SCAI: variants seen among roughly 807,000 people sequenced by gnomAD.
SCAI encodes the protein protein SCAI.
In SCAI, 24 loss-of-function variants were observed where a neutral mutation model predicts 92.2. The ratio of observed to expected loss-of-function variants is 0.26; its 90% CI spans 0.19 to 0.37. SCAI has a LOEUF of 0.37. Among genes scored for constraint, SCAI ranks in the 10% least tolerant of loss-of-function variants. The pLI, the probability that SCAI is intolerant of heterozygous loss-of-function variation, is 1.00. For synonymous variants in SCAI, 261 were observed against 258.6 expected (o/e 1.01, Z -0.09); for missense variants, 450 against 736.2 (o/e 0.61, Z 4.50).
chr9:125,104,743 A>G (rs1206394396), intron 2 of SCAI, among the ~76,000 whole-genome samples: 1 of 151,928 alleles, frequency 6.6e-6, no homozygotes, highest in African/African-American at 2.4e-5. Context: ...CTTTCTCAAA[A>G]CCCTTTGTTT....
intron 2 of SCAI, among the ~76,000 whole-genome samples, chr9:125,127,408 T>C (rs1835300576): frequency 6.6e-6 from 1 of 150,648 alleles, no homozygotes; most frequent in African/African-American, 2.4e-5. Flanking sequence ...GGGCAGAATT[T>C]TTTTTTTTTT....
chr9:124,971,524 T>A, intron 16 of SCAI, 54 bp from the exon 17 acceptor site: 1 of 1,479,060 alleles, frequency 6.8e-7, no homozygotes, highest in South Asian at 1.2e-5. Context: ...AAATTATGTT[T>A]CAAAGGGGAA....
At chr9:125,019,080 T>G in intron 8 of SCAI, 27 bp downstream of exon 8, 2 of 1,551,260 alleles carry the variant, frequency 1.3e-6, no homozygotes, top group Non-Finnish European at 8.8e-7. Flanking sequence ...TTATCAATAA[T>G]TATGATTTTT....
chr9:124,975,339 C>A, intron 15 of SCAI: 2 of 456,682 alleles, frequency 4.4e-6, no homozygotes, highest in South Asian at 1.5e-5. Flanking sequence ...GACAGGACTT[C>A]TGGCTGGGAA....
chr9:125,048,681 T>G (rs1166549504), intron 3 of SCAI, among the ~76,000 whole-genome samples: 1 of 151,900 alleles, frequency 6.6e-6, no homozygotes, highest in African/African-American at 2.4e-5. Context: ...AAGGAAGCAT[T>G]ATAGAAACTT....
chr9:124,991,850 AAAAAC>A (rs1032952632), intron 14 of SCAI, among the ~76,000 whole-genome samples: 14 of 152,214 alleles, frequency 9.2e-5, no homozygotes, highest in African/African-American at 2.9e-4. Context: ...AACAAAAAAC[AAAAAC>A]AAAACAAACC....
chr9:125,092,771 C>T (rs901858054), intron 2 of SCAI, among the ~76,000 whole-genome samples: 1 of 152,218 alleles, frequency 6.6e-6, no homozygotes, highest in South Asian at 2.1e-4. Context: ...ACTCTTCTTT[C>T]TAGCTCACAT....
chr9:125,040,389 C>A (rs1466536371), intron 3 of SCAI, among the ~76,000 whole-genome samples: 2 of 152,024 alleles, frequency 1.3e-5, no homozygotes, highest in Non-Finnish European at 2.9e-5. Context: ...AGAATGATTT[C>A]TTTCTCTGTG....
intron 2 of SCAI, among the ~76,000 whole-genome samples, chr9:125,101,426 C>T (rs1248638095): frequency 6.6e-6 from 1 of 152,050 alleles, no homozygotes; most frequent in Non-Finnish European, 1.5e-5. Flanking sequence ...CTGAGACTTA[C>T]CAATGGATGG....
intron 14 of SCAI, among the ~76,000 whole-genome samples, chr9:124,978,394 T>C (rs1258657679): frequency 6.6e-6 from 1 of 152,176 alleles, no homozygotes; most frequent in Non-Finnish European, 1.5e-5. Flanking sequence ...GGAGCCAAGA[T>C]CGCACCACTG....
chr9:125,143,458 G>A lies in SCAI; in HGVS notation c.-21C>T, dbSNP rs1588263250. The A allele has an allele frequency of 7.4e-7, 1 of 1,342,846 alleles. No homozygotes were observed. The highest frequency in any genetic ancestry group is 9.6e-7 in the Non-Finnish European group (1 of 1,046,290). 83.2% of individuals were successfully genotyped at this position (1,342,846 alleles called of 1,614,324 possible). ...ACCATCCGGCTCCTGCTCCGCCGCG[G>A]GAGCTGCTCCGGCGGCCGCAGGGCT... On this transcript the variant is annotated 5_prime_UTR_variant, in exon 1 of 18. Transcript: ENST00000336505.
At chr9:124,989,994 G>C (rs910074243) in intron 14 of SCAI, among the ~76,000 whole-genome samples, 1 of 151,216 alleles carries the variant, frequency 6.6e-6, no homozygotes, top group Admixed American at 6.6e-5. Context: ...GACCAACATG[G>C]AGAAACCCTG....
chr9:125,006,640 C>G (rs1423834705), intron 9 of SCAI, among the ~76,000 whole-genome samples: 3 of 152,012 alleles, frequency 2.0e-5, no homozygotes, highest in Non-Finnish European at 4.4e-5. Context: ...TACAGGCGCA[C>G]GCCACCACGC....
In SCAI at chr9:124,999,966, A is replaced by G; in HGVS notation, c.1169T>C (p.Leu390Pro). The G allele has an allele frequency of 1.3e-6, 2 of 1,582,506 alleles. No individual in the cohort carries two copies. The highest frequency in any genetic ancestry group is 1.7e-6 in the Non-Finnish European group (2 of 1,161,154). Residue 390 changes from leucine (L) to proline (P), a missense_variant, in exon 13 of 18, where the codon CTT becomes CCT. Physicochemically the swap from Leu to Pro is moderately conservative, Grantham distance 98. Coordinates refer to ENST00000336505, the MANE Select transcript of SCAI (RefSeq NM_001144877.3). Reference sequence around the variant, plus strand: ...AATAATATCCCGGTTACTATTAGTAAGTACACCTCCAAAATCATAAGGACC... The same window carrying G: ...AATAATATCCCGGTTACTATTAGTAGGTACACCTCCAAAATCATAAGGACC... Reference protein sequence around the residue: ...SEGPYDFGGVLTNSNRDIING... With the variant: ...SEGPYDFGGVPTNSNRDIING...
chr9:125,115,486 G>C (rs1379048915), intron 2 of SCAI, among the ~76,000 whole-genome samples: 1 of 150,488 alleles, frequency 6.6e-6, no homozygotes, highest in African/African-American at 2.4e-5. Context: ...CCCACAGATA[G>C]AATAAACAGT....
chr9:125,058,647 C>A (rs764642463), intron 2 of SCAI, among the ~76,000 whole-genome samples: 1 of 152,180 alleles, frequency 6.6e-6, no homozygotes, highest in African/African-American at 2.4e-5. Flanking sequence ...CTACTGAGAG[C>A]GCCTTGGAGC....
chr9:125,053,623 G>GA (rs1271591079), intron 3 of SCAI, among the ~76,000 whole-genome samples: 1 of 152,032 alleles, frequency 6.6e-6, no homozygotes, highest in East Asian at 1.9e-4. Flanking sequence ...AATCCATAGA[G>GA]AAAAAAATTA....
At chr9:125,080,023 T>C (rs1167326815) in intron 2 of SCAI, among the ~76,000 whole-genome samples, 5 of 152,248 alleles carry the variant, frequency 3.3e-5, no homozygotes, top group East Asian at 1.9e-4. Flanking sequence ...AAATCTGGGA[T>C]TGTTTAACTA....
At chr9:125,126,992 G>A (rs1422284599) in intron 2 of SCAI, among the ~76,000 whole-genome samples, 4 of 152,184 alleles carry the variant, frequency 2.6e-5, no homozygotes, top group Non-Finnish European at 5.9e-5. Flanking sequence ...AAGAAGGGTA[G>A]AACAATGAGT....
Sources: allele counts gnomAD v4.1 joint callset (sites outside exome capture counted in the v4.1 genomes callset), GRCh38; gene constraint gnomAD v4.1.1; transcripts MANE v1.5; gene names NCBI Gene and HGNC (gene_info 2026-07-23, HGNC 2026-07-21).